RERE: variants seen among roughly 807,000 people sequenced by gnomAD.
RERE encodes arginine-glutamic acid dipeptide repeats protein.
In RERE, 40 loss-of-function variants were observed where a neutral mutation model predicts 146.1. That is an observed-to-expected ratio of 0.27 (90% CI 0.21 to 0.36). The LOEUF is 0.36. RERE is among the 10% of genes least tolerant of loss of function. The pLI is 1.00. For synonymous variants in RERE, 1,003 were observed against 866.0 expected (o/e 1.16, Z -2.78); for missense variants, 1,933 against 2,138.7 (o/e 0.90, Z 1.90).
At chr1:8,468,507 T>C (rs1351510277) in intron 10 of RERE, among the ~76,000 whole-genome samples, 1 of 152,234 alleles carries the variant, frequency 6.6e-6, no homozygotes, top group African/African-American at 2.4e-5. Context: ...CAAATGAAGT[T>C]GATCAAATCA....
intron 1 of RERE, among the ~76,000 whole-genome samples, chr1:8,743,068 TAC>T (rs547824253): frequency 4.9e-4 from 74 of 152,108 alleles, no homozygotes; most frequent in Non-Finnish European, 9.4e-4. Context: ...GTGAGTTTAT[TAC>T]ACACTTGTTT....
chr1:8,727,206 G>C (rs544883477), intron 1 of RERE, among the ~76,000 whole-genome samples: 1 of 151,872 alleles, frequency 6.6e-6, no homozygotes, highest in African/African-American at 2.4e-5. Context: ...GCAGTGGCGC[G>C]ATCTCGGCTC....
chr1:8,501,270 G>A (rs1258366734), intron 8 of RERE, among the ~76,000 whole-genome samples: 1 of 135,608 alleles, frequency 7.4e-6, no homozygotes, highest in Non-Finnish European at 1.6e-5. Flanking sequence ...CCTCTGCCCG[G>A]TCGCCCCTAC....
chr1:8,734,495 T>G (rs1204622581), intron 1 of RERE, among the ~76,000 whole-genome samples: 1 of 152,164 alleles, frequency 6.6e-6, no homozygotes, highest in Non-Finnish European at 1.5e-5. Context: ...TTGTCTGCAC[T>G]ACATCTACCA....
intron 8 of RERE, among the ~76,000 whole-genome samples, chr1:8,501,522 C>A (rs1447760039): frequency 1.7e-5 from 2 of 115,430 alleles, no homozygotes; most frequent in Non-Finnish European, 3.5e-5. Flanking sequence ...GATCAGCCCC[C>A]CGTCCGGGAG....
At chr1:8,656,644 T>A (rs1211193213) in intron 1 of RERE, among the ~76,000 whole-genome samples, 1 of 152,182 alleles carries the variant, frequency 6.6e-6, no homozygotes, top group African/African-American at 2.4e-5. Flanking sequence ...ACACCAATAA[T>A]AAAAACTGTC....
At chr1:8,782,871 A>C (rs1373454796) in intron 1 of RERE, among the ~76,000 whole-genome samples, 2 of 152,022 alleles carry the variant, frequency 1.3e-5, no homozygotes, top group African/African-American at 4.8e-5. Flanking sequence ...GCGCCACTAC[A>C]CTCCAGCCTG....
chr1:8,704,665 A>G (rs1373451613), intron 1 of RERE, among the ~76,000 whole-genome samples: 1 of 152,254 alleles, frequency 6.6e-6, no homozygotes, highest in Non-Finnish European at 1.5e-5. Flanking sequence ...ACAGACAGCC[A>G]AACAGACATG....
At chr1:8,441,732 A>G (rs1644251555) in intron 11 of RERE, among the ~76,000 whole-genome samples, 1 of 152,190 alleles carries the variant, frequency 6.6e-6, no homozygotes, top group African/African-American at 2.4e-5. Context: ...TCACATAAAC[A>G]AGGTTTCTGG....
At chr1:8,635,395 T>A (rs762468249) in intron 2 of RERE, among the ~76,000 whole-genome samples, 21 of 152,258 alleles carry the variant, frequency 1.4e-4, no homozygotes, top group African/African-American at 2.4e-4. Context: ...AAGGTCATAG[T>A]ATTTAAAGTA....
intron 1 of RERE, among the ~76,000 whole-genome samples, chr1:8,686,952 T>C (rs554777352): frequency 1.3e-5 from 2 of 152,184 alleles, no homozygotes; most frequent in South Asian, 2.1e-4. Flanking sequence ...TTAGTGATCA[T>C]CACAAGGGCA....
intron 2 of RERE, among the ~76,000 whole-genome samples, chr1:8,638,072 A>G (rs1357534998): frequency 6.6e-6 from 1 of 152,228 alleles, no homozygotes; most frequent in Non-Finnish European, 1.5e-5. Context: ...TGACTTTAGC[A>G]TTCTATATAC....
rs200086554 is a variant in RERE, at chr1:8,541,173, G to A, written c.830+41C>T. Reference sequence around the variant, plus strand: ...TACACACACACACAAATGAGAAAAGGAAAAGAGTTCTCAATGAATGGACAC... The same window carrying A: ...TACACACACACACAAATGAGAAAAGAAAAAGAGTTCTCAATGAATGGACAC... On this transcript the variant is annotated intron_variant, in intron 7 of 22. Coordinates refer to ENST00000400908, the MANE Select transcript of RERE (RefSeq NM_001042681.2). 3 of 1,117,938 alleles carry A rather than the reference G, an allele frequency of 2.7e-6. No individual in the cohort carries two copies. In the South Asian group the frequency reaches 4.0e-5, roughly 15 times the overall value. The allele number at this position is 1,117,938 out of a possible 1,614,324, so 69.3% of individuals were successfully genotyped here.
intron 12 of RERE, among the ~76,000 whole-genome samples, chr1:8,406,892 T>G (rs1643459498): frequency 6.6e-6 from 1 of 152,162 alleles, no homozygotes; most frequent in South Asian, 2.1e-4. Context: ...TACAACTTTG[T>G]GGAGGGTGAA....
chr1:8,669,174 G>A (rs1638654873), intron 1 of RERE, among the ~76,000 whole-genome samples: 2 of 147,376 alleles, frequency 1.4e-5, no homozygotes, highest in African/African-American at 5.4e-5. Context: ...CCGGGCTCAA[G>A]CAATACCCCC....
At chr1:8,731,044 A>C (rs1357347128) in intron 1 of RERE, among the ~76,000 whole-genome samples, 7 of 152,198 alleles carry the variant, frequency 4.6e-5, no homozygotes, top group Non-Finnish European at 1.0e-4. Context: ...TTGAAGGAAA[A>C]AAATCACAAG....
At chr1:8,718,646 A>T (rs1639805856) in intron 1 of RERE, among the ~76,000 whole-genome samples, 1 of 152,220 alleles carries the variant, frequency 6.6e-6, no homozygotes. Context: ...AGGCAGCAAC[A>T]TTTCATCCTT....
chr1:8,816,222 C>T (rs1256471855), intron 1 of RERE, among the ~76,000 whole-genome samples: 1 of 152,112 alleles, frequency 6.6e-6, no homozygotes, highest in Non-Finnish European at 1.5e-5. Context: ...CCAAGTTCAC[C>T]CTCTTACTAG....
chr1:8,407,128 C>T (rs1196786388), intron 12 of RERE, among the ~76,000 whole-genome samples: 2 of 152,200 alleles, frequency 1.3e-5, no homozygotes, highest in Non-Finnish European at 2.9e-5. Context: ...TACAGGCTCT[C>T]TCAGTGGCCA....
Sources: gnomAD v4.1 joint callset for allele counts (sites outside exome capture counted in the v4.1 genomes callset) on GRCh38, gnomAD v4.1.1 for gene constraint, MANE v1.5 for transcripts, NCBI Gene and HGNC (gene_info 2026-07-23, HGNC 2026-07-21) for gene names.